PTPRD: variants seen among roughly 807,000 people sequenced by gnomAD.
The protein encoded by PTPRD is receptor-type tyrosine-protein phosphatase delta.
Under a neutral mutation model 214.5 loss-of-function variants are expected in PTPRD, and 34 were observed. The observed-to-expected ratio is 0.16, with a 90% confidence interval of 0.12 to 0.21. The LOEUF (loss-of-function observed/expected upper bound fraction) is 0.21. PTPRD is among the 10% of genes least tolerant of loss of function. PTPRD has a pLI of 1.00. For missense variants in PTPRD, 2,545 were observed against 2,398.7 expected (o/e 1.06, Z -1.27); for synonymous variants, 1,128 against 845.7 (o/e 1.33, Z -5.79).
chr9:9,030,645 A>G (rs77344686), intron 10 of PTPRD, among the ~76,000 whole-genome samples: 4,484 of 151,968 alleles, frequency 0.03, 222 homozygotes, highest in African/African-American at 0.1. Flanking sequence ...CGGTTCTCCC[A>G]AGAATCCATA....
chr9:9,112,482 G>C (rs895873784), intron 10 of PTPRD, among the ~76,000 whole-genome samples: 3 of 152,068 alleles, frequency 2.0e-5, no homozygotes, highest in Non-Finnish European at 2.9e-5. Flanking sequence ...AGATCTAGCT[G>C]ATTAAAAACA....
chr9:9,175,622 CAAAAAAAA>C (rs55707715), intron 10 of PTPRD, among the ~76,000 whole-genome samples: 120 of 45,242 alleles, frequency 2.7e-3, no homozygotes, highest in African/African-American at 9.3e-3. Flanking sequence ...GACTCTGTCT[CAAAAAAAA>C]AAAAAAAAAA....
At chr9:9,615,105 A>T (rs2094776208) in intron 7 of PTPRD, among the ~76,000 whole-genome samples, 2 of 152,066 alleles carry the variant, frequency 1.3e-5, no homozygotes, top group South Asian at 4.1e-4. Context: ...CTGGCTCAAT[A>T]CTTGTCCTTT....
At chr9:9,900,664 G>A (rs2076196841) in intron 5 of PTPRD, among the ~76,000 whole-genome samples, 1 of 86,630 alleles carries the variant, frequency 1.2e-5, no homozygotes, top group Admixed American at 9.6e-5. Context: ...TTGAGATGGA[G>A]TCTTGCTCTG....
intron 7 of PTPRD, among the ~76,000 whole-genome samples, chr9:9,655,474 C>G (rs922286946): frequency 1.3e-5 from 2 of 151,498 alleles, no homozygotes; most frequent in East Asian, 4.0e-4. Flanking sequence ...GAGGCTAAGA[C>G]AGGAGAATTG....
chr9:10,126,902 G>A (rs1021673851), intron 3 of PTPRD, among the ~76,000 whole-genome samples: 1 of 149,038 alleles, frequency 6.7e-6, no homozygotes, highest in African/African-American at 2.5e-5. Context: ...AAATTGCCAT[G>A]TAACCAGCTC....
chr9:9,476,460 CG>C (rs1261254214), intron 8 of PTPRD, among the ~76,000 whole-genome samples: 1 of 152,034 alleles, frequency 6.6e-6, no homozygotes, highest in Admixed American at 6.6e-5. Flanking sequence ...TGATGTGTTA[CG>C]GGGATAATCA....
intron 3 of PTPRD, among the ~76,000 whole-genome samples, chr9:10,206,485 G>C (rs891996224): frequency 2.0e-5 from 3 of 152,060 alleles, no homozygotes; most frequent in African/African-American, 7.2e-5. Context: ...AACCCAATTA[G>C]AATAGGAAGA....
intron 3 of PTPRD, among the ~76,000 whole-genome samples, chr9:10,047,354 T>TGAG (rs1567301483): frequency 1.5e-5 from 2 of 132,508 alleles, no homozygotes; most frequent in African/African-American, 2.7e-5. Context: ...GTGTGTGTGC[T>TGAG]TGTGTGATAA....
intron 11 of PTPRD, chr9:8,857,864 G>C (rs192670213): frequency 6.4e-6 from 1 of 155,894 alleles, no homozygotes; most frequent in Admixed American, 6.6e-5. Flanking sequence ...GAGAGTCAGC[G>C]AGTGAGTCCA....
chr9:10,371,756 G>T (rs116959855), intron 2 of PTPRD, among the ~76,000 whole-genome samples: 65 of 152,202 alleles, frequency 4.3e-4, no homozygotes, highest in Non-Finnish European at 7.9e-4. Flanking sequence ...TACATGATTA[G>T]AAAGTTGGCT....
intron 11 of PTPRD, among the ~76,000 whole-genome samples, chr9:8,734,283 C>T (rs1363451821): frequency 6.6e-6 from 1 of 152,200 alleles, no homozygotes; most frequent in Non-Finnish European, 1.5e-5. Context: ...TCTTATGAAA[C>T]ATTACGTAAA....
chr9:9,974,384 T>C (rs1227170020), intron 4 of PTPRD, among the ~76,000 whole-genome samples: 1 of 152,192 alleles, frequency 6.6e-6, no homozygotes, highest in Non-Finnish European at 1.5e-5. Context: ...AAACTGCCCA[T>C]GGGTTCATGT....
At chr9:8,820,758 A>G (rs1283233885) in intron 11 of PTPRD, among the ~76,000 whole-genome samples, 1 of 152,106 alleles carries the variant, frequency 6.6e-6, no homozygotes, top group Non-Finnish European at 1.5e-5. Flanking sequence ...TTGTGTATGT[A>G]TATATGTCTC....
chr9:8,955,113 A>G (rs1212383723), intron 11 of PTPRD, among the ~76,000 whole-genome samples: 1 of 151,912 alleles, frequency 6.6e-6, no homozygotes, highest in East Asian at 1.9e-4. Flanking sequence ...GGTCTGGAAG[A>G]GAGAGAGCTG....
intron 14 of PTPRD, among the ~76,000 whole-genome samples, chr9:8,549,914 T>A (rs1176291868): frequency 6.6e-6 from 1 of 152,182 alleles, no homozygotes; most frequent in Non-Finnish European, 1.5e-5. Flanking sequence ...AGCGTATCTA[T>A]ATTCAGATCT....
chr9:9,756,228 G>A (rs549320576), intron 6 of PTPRD, among the ~76,000 whole-genome samples: 2 of 152,176 alleles, frequency 1.3e-5, no homozygotes. Context: ...GAGCACCAGA[G>A]GGTTATGTGA....
intron 10 of PTPRD, among the ~76,000 whole-genome samples, chr9:9,052,035 A>G (rs982030133): frequency 6.6e-6 from 1 of 152,154 alleles, no homozygotes; most frequent in Admixed American, 6.5e-5. Flanking sequence ...TAAACAACAA[A>G]CATTTATTTC....
intron 3 of PTPRD, among the ~76,000 whole-genome samples, chr9:10,323,159 T>A (rs528537097): frequency 6.6e-6 from 1 of 151,556 alleles, no homozygotes; most frequent in East Asian, 2.0e-4. Flanking sequence ...ATTTTCTTTC[T>A]CTTTTTCTTT....
Sources: gnomAD v4.1 joint callset for allele counts (sites outside exome capture counted in the v4.1 genomes callset) on GRCh38, gnomAD v4.1.1 for gene constraint, MANE v1.5 for transcripts, NCBI Gene and HGNC (gene_info 2026-07-23, HGNC 2026-07-21) for gene names.